Variants in GDF10 observed in about 807,000 individuals in gnomAD.
GDF10 encodes growth differentiation factor 10, also known as growth/differentiation factor 10.
Under a neutral mutation model 32.1 loss-of-function variants are expected in GDF10, and 23 were observed. The ratio of observed to expected loss-of-function variants is 0.72; its 90% CI spans 0.52 to 1.02. The LOEUF is 1.02. GDF10 is among the 50% of genes least tolerant of loss of function. The probability of loss-of-function intolerance (pLI) is 0.00; values close to 1 mark genes in which losing one functional copy is unlikely to be tolerated. For missense variants in GDF10, 764 were observed against 673.9 expected (o/e 1.13, Z -1.48); for synonymous variants, 328 against 303.1 (o/e 1.08, Z -0.85).
At chr10:47,301,711 G>C (rs1214478536) in intron 1 of GDF10, among the ~76,000 whole-genome samples, 1 of 152,208 alleles carries the variant, frequency 6.6e-6, no homozygotes, top group Non-Finnish European at 1.5e-5. Flanking sequence ...CCTGGGTAGA[G>C]AGGAGGTGCA....
chr10:47,310,267 A>G lies in GDF10; in HGVS notation c.791A>G (p.Gln264Arg). 1 of 1,609,024 alleles carries G rather than the reference A, an allele frequency of 6.2e-7. No homozygotes were observed. Among genetic ancestry groups the G allele is most frequent in the South Asian group, 1.1e-5 (1 of 90,404 alleles). ...CCCAACAGCGTGGCAGTGACGCTGC[A>G]GAGATACGACCCCTTCCCTGCCGGA... ...SEPNSVAVTL[Q>R]RYDPFPAGDP... The change falls in exon 2 of 3, where the codon CAG (glutamine) becomes CGG (arginine). Residue 264 changes from glutamine to arginine, a missense_variant. Coordinates refer to ENST00000580279, the MANE Select transcript of GDF10 (RefSeq NM_004962.5).
chr10:47,301,695 G>C (rs1468653524), intron 1 of GDF10, among the ~76,000 whole-genome samples: 8 of 152,176 alleles, frequency 5.3e-5, no homozygotes, highest in East Asian at 1.9e-4. Context: ...GCCCACCTTT[G>C]CAGGCCCTGG....
At position 47,313,008 on chromosome 10, in the gene GDF10, G is replaced by T; in HGVS notation, c.*216G>T. On this transcript the variant is annotated 3_prime_UTR_variant, in exon 3 of 3. Transcript: ENST00000580279. ...CCAGCCTGAGTACCTGAAGGAATCT[G>T]GGAATTAGCCCTGGCCTGAAAGTGG... 1 of 416,968 alleles carries T rather than the reference G, an allele frequency of 2.4e-6. No homozygotes were observed. The highest frequency in any genetic ancestry group is 4.2e-6 in the Non-Finnish European group (1 of 236,232). 25.8% of individuals were successfully genotyped at this position (416,968 alleles called of 1,614,324 possible).
At chr10:47,309,454 C>T (rs1408532879) in intron 1 of GDF10, among the ~76,000 whole-genome samples, 2 of 152,224 alleles carry the variant, frequency 1.3e-5, no homozygotes, top group African/African-American at 4.8e-5. Context: ...CATGCAGAGG[C>T]AGTAGAGGGC....
At chr10:47,307,901 G>A (rs1203048947) in intron 1 of GDF10, among the ~76,000 whole-genome samples, 1 of 152,200 alleles carries the variant, frequency 6.6e-6, no homozygotes, top group Admixed American at 6.5e-5. Context: ...CACATTTGGG[G>A]GCACCTCCTT....
Position 47,310,437 on chromosome 10 carries a change from C to G in GDF10, c.961C>G (p.His321Asp). The G allele has an allele frequency of 6.2e-7, 1 of 1,613,154 alleles. No individual in the cohort carries two copies. The highest frequency in any genetic ancestry group is 8.5e-7 in the Non-Finnish European group (1 of 1,179,786). The change falls in exon 2 of 3, where the codon CAC becomes GAC. Residue 321 changes from histidine to aspartate, a missense_variant. By Grantham distance (81) the His-to-Asp change is moderately conservative. Coordinates refer to ENST00000580279, the MANE Select transcript of GDF10 (RefSeq NM_004962.5). ...PRAHAQHFHK[H>D]QLWPSPFRAL... ...CGCCCACGCACAGCACTTCCACAAG[C>G]ACCAGCTGTGGCCCAGCCCCTTCCG...
At chr10:47,309,544 T>C (rs1372547916) in intron 1 of GDF10, among the ~76,000 whole-genome samples, 1 of 152,096 alleles carries the variant, frequency 6.6e-6, no homozygotes, top group Non-Finnish European at 1.5e-5. Flanking sequence ...CTGTTGCTTT[T>C]TGTTGTTGTT....
In GDF10 at chr10:47,310,037, C is replaced by T. The variant is rs782059883; in HGVS notation, c.561C>T (p.Leu187=). Residue 187 remains leucine, a synonymous_variant, in exon 2 of 3, where the codon CTC becomes CTT. Transcript: ENST00000580279. ...LSQNTATQGL[L]RGAMALAPPP... ...AGAACACGGCCACACAGGGGCTACT[C>T]CGCGGGGCCATGGCCCTGGCGCCCC... 1.2e-6 allele frequency: 2 copies of T among 1,606,104 alleles called. No homozygotes were observed. Among genetic ancestry groups the T allele is most frequent in the Non-Finnish European group, 1.7e-6 (2 of 1,176,430 alleles).
intron 2 of GDF10, among the ~76,000 whole-genome samples, chr10:47,311,310 T>C (rs568104081): frequency 7.9e-5 from 12 of 152,218 alleles, no homozygotes; most frequent in Non-Finnish European, 1.6e-4. Flanking sequence ...AGCCTAAGGA[T>C]TTCCAGTTCT....
At chr10:47,303,580 A>C (rs555543393) in intron 1 of GDF10, among the ~76,000 whole-genome samples, 12 of 152,130 alleles carry the variant, frequency 7.9e-5, no homozygotes, top group Admixed American at 4.6e-4. Flanking sequence ...ATGGTGTATT[A>C]GCTCTTGCTG....
chr10:47,310,100 C>G lies in GDF10; in HGVS notation c.624C>G (p.Pro208=). ...TGTGGCAGGCCAAGGACATCTCCCC[C>G]ATCGTCAAGGCGGCCCGCCGGGATG... ...RGLWQAKDIS[P]IVKAARRDGE... Residue 208 remains proline, a synonymous_variant, in exon 2 of 3, where the codon CCC becomes CCG. Coordinates refer to ENST00000580279, the MANE Select transcript of GDF10 (RefSeq NM_004962.5). 1.2e-6 allele frequency: 2 copies of G among 1,609,260 alleles called. No homozygotes were observed. Among genetic ancestry groups the G allele is most frequent in the Non-Finnish European group, 1.7e-6 (2 of 1,179,016 alleles).
chr10:47,303,157 T>C (rs1207933611), intron 1 of GDF10, among the ~76,000 whole-genome samples: 2 of 152,154 alleles, frequency 1.3e-5, no homozygotes, highest in African/African-American at 4.8e-5. Context: ...GAGGTATGAG[T>C]TTGGGCAGGG....
chr10:47,300,971 G>A lies in GDF10; in HGVS notation c.319+1G>A. The stretch of plus-strand genomic sequence containing the variant: ...GTCCGCAGCTTCAGGGCCAGGCTGG[G>A]TAAGTAGAGGGTGCCCCAGGACCCC... On this transcript the variant is annotated splice_donor_variant, in intron 1 of 2. Transcript: ENST00000580279. LOFTEE classifies it high-confidence loss of function. 2 of 1,474,246 alleles carry A rather than the reference G, an allele frequency of 1.4e-6. No individual in the cohort carries two copies. The highest frequency in any genetic ancestry group is 1.8e-6 in the Non-Finnish European group (2 of 1,118,302). The allele number at this position is 1,474,246 out of a possible 1,614,324, so 91.3% of individuals were successfully genotyped here.
Position 47,312,664 on chromosome 10 carries a change from G to A in GDF10, c.1309G>A (p.Gly437Ser). 2 of 1,609,842 alleles carry A rather than the reference G, an allele frequency of 1.2e-6. No individual in the cohort carries two copies. The highest frequency in any genetic ancestry group is 1.7e-6 in the Non-Finnish European group (2 of 1,177,690). ...TGTCAGGGCTGTGGGCATCATCCCT[G>A]GCATCCCAGAGCCCTGCTGTGTTCC... ...SIVRAVGIIP[G>S]IPEPCCVPDK... The change falls in exon 3 of 3, where the codon GGC becomes AGC. Residue 437 changes from glycine to serine, a missense_variant. Physicochemically the swap from Gly to Ser is moderately conservative, Grantham distance 56. Transcript: ENST00000580279.
Position 47,313,165 on chromosome 10 carries a change from G to A in GDF10, c.*373G>A, listed in dbSNP as rs1002656156. 7.3e-5 allele frequency: 12 copies of A among 164,438 alleles called. No homozygotes were observed. Among genetic ancestry groups the A allele is most frequent in the East Asian group, 1.7e-4 (1 of 5,750 alleles). The allele number at this position is 164,438 out of a possible 1,614,324, so 10.2% of individuals were successfully genotyped here. A position where few individuals can be genotyped will look rare whatever the true frequency, so the allele number is the denominator to read the frequency against. Reference sequence around the variant, plus strand: ...CTTAGGGCGCTCGCTCCCTGCACACGGAAAGAACTCTGTTTAAATGCTCAG... The same window carrying A: ...CTTAGGGCGCTCGCTCCCTGCACACAGAAAGAACTCTGTTTAAATGCTCAG... On this transcript the variant is annotated 3_prime_UTR_variant, in exon 3 of 3. Transcript: ENST00000580279.
intron 1 of GDF10, among the ~76,000 whole-genome samples, chr10:47,308,027 C>A (rs1555207274): frequency 1.3e-5 from 2 of 152,184 alleles, no homozygotes; most frequent in Non-Finnish European, 2.9e-5. Flanking sequence ...GGCGTGGCGC[C>A]ACTGAGTCCT....
At chr10:47,309,073 G>A (rs1300676585) in intron 1 of GDF10, among the ~76,000 whole-genome samples, 1 of 152,124 alleles carries the variant, frequency 6.6e-6, no homozygotes, top group Non-Finnish European at 1.5e-5. Flanking sequence ...TGGTTGAGAC[G>A]TCCCGGTCTT....
intron 1 of GDF10, among the ~76,000 whole-genome samples, chr10:47,302,882 C>T (rs148948309): frequency 3.3e-5 from 5 of 152,316 alleles, no homozygotes; most frequent in Non-Finnish European, 5.9e-5. Flanking sequence ...AAGCCTGAGG[C>T]ACATTTGGGT....
At chr10:47,310,836 T>C (rs2132226776) in intron 2 of GDF10, 115 bp downstream of exon 2, 2 of 707,684 alleles carry the variant, frequency 2.8e-6, no homozygotes, top group South Asian at 3.4e-5. Flanking sequence ...ATAACAGTAC[T>C]TCCTATCTAT....
Sources: allele counts gnomAD v4.1 joint callset (sites outside exome capture counted in the v4.1 genomes callset), GRCh38; gene constraint gnomAD v4.1.1; transcripts MANE v1.5; gene names NCBI Gene and HGNC (gene_info 2026-07-23, HGNC 2026-07-21).